Variants in KCNK9 observed in about 807,000 individuals in gnomAD.
The protein encoded by KCNK9 is potassium channel subfamily K member 9.
Under a neutral mutation model 10.8 loss-of-function variants are expected in KCNK9, and 1 was observed. The observed-to-expected ratio is 0.09, with a 90% CI of 0.03 to 0.44. The LOEUF (loss-of-function observed/expected upper bound fraction) is 0.44, where lower values mean the gene tolerates loss of function less well. KCNK9 is among the 20% of genes least tolerant of loss of function. The pLI, the probability that KCNK9 is intolerant of heterozygous loss-of-function variation, is 0.97. For synonymous variants in KCNK9, 231 were observed against 222.7 expected, an observed-to-expected ratio of 1.04 and a Z score of -0.33; for missense variants, 303 against 515.0, an observed-to-expected ratio of 0.59 and a Z score of 3.98.
At chr8:139,661,504 T>G (rs116865942) in intron 1 of KCNK9, among the ~76,000 whole-genome samples, 4,934 of 152,256 alleles carry the variant, frequency 0.032, 198 homozygotes, top group East Asian at 0.14. Context: ...GTCACAGCCC[T>G]GGGAAGCAAG....
intron 1 of KCNK9, among the ~76,000 whole-genome samples, chr8:139,651,902 G>A (rs1815877817): frequency 1.3e-5 from 2 of 152,054 alleles, no homozygotes; most frequent in South Asian, 2.1e-4. Flanking sequence ...GATCTGGAGT[G>A]GGTACCAAAT....
intron 1 of KCNK9, among the ~76,000 whole-genome samples, chr8:139,627,030 G>A (rs1814999021): frequency 6.6e-6 from 1 of 152,186 alleles, no homozygotes; most frequent in Non-Finnish European, 1.5e-5. Context: ...GCAAAGTGAT[G>A]CATGGGTCGC....
intron 1 of KCNK9, among the ~76,000 whole-genome samples, chr8:139,679,985 T>C (rs929252051): frequency 3.3e-5 from 5 of 152,162 alleles, no homozygotes; most frequent in African/African-American, 1.2e-4. Context: ...GAGGTGAGTG[T>C]ACTCTGTGTA....
At chr8:139,677,435 T>A (rs1319671619) in intron 1 of KCNK9, among the ~76,000 whole-genome samples, 1 of 152,082 alleles carries the variant, frequency 6.6e-6, no homozygotes, top group African/African-American at 2.4e-5. Flanking sequence ...CAAAAAGTAT[T>A]CATCACCCAG....
chr8:139,689,931 A>G (rs1389794749), intron 1 of KCNK9, among the ~76,000 whole-genome samples: 3 of 152,108 alleles, frequency 2.0e-5, no homozygotes, highest in Admixed American at 2.0e-4. Flanking sequence ...GTGAGCCACC[A>G]CGCCCGGCCA....
rs1816245646 is a variant in KCNK9 at position 139,664,413 on chromosome 8, C to T, written c.283+38297G>A. Among the ~76,000 whole-genome samples, 2 of 152,046 alleles carry T rather than the reference C, an allele frequency of 1.3e-5. 1 individual carries two copies. The highest frequency in any genetic ancestry group is 4.2e-4 in the South Asian group (2 of 4,816). Reference sequence around the variant, plus strand: ...GCAAAGCCCTCCAGAGCCCGCCTCCCCTCCCCTACACAGCCTCTAGGCCTT... The same window carrying T: ...GCAAAGCCCTCCAGAGCCCGCCTCCTCTCCCCTACACAGCCTCTAGGCCTT... On this transcript the variant is annotated intron_variant, in intron 1 of 1. Coordinates refer to ENST00000520439, the MANE Select transcript of KCNK9 (RefSeq NM_001282534.2).
intron 1 of KCNK9, among the ~76,000 whole-genome samples, chr8:139,623,682 G>T (rs550504320): frequency 6.6e-6 from 1 of 152,200 alleles, no homozygotes; most frequent in South Asian, 2.1e-4. Flanking sequence ...GGCACTACAG[G>T]GTGGTGACCT....
chr8:139,678,227 G>A (rs936042922), intron 1 of KCNK9, among the ~76,000 whole-genome samples: 6 of 152,342 alleles, frequency 3.9e-5, no homozygotes, highest in African/African-American at 1.4e-4. Context: ...CAAGGTGCAG[G>A]CTGCCTTCTC....
intron 1 of KCNK9, among the ~76,000 whole-genome samples, chr8:139,664,926 A>T (rs1184706462): frequency 1.4e-5 from 2 of 144,686 alleles, no homozygotes; most frequent in Non-Finnish European, 1.5e-5. Flanking sequence ...CCCCAGCAAT[A>T]AAAAAAAAAA....
At chr8:139,658,753 G>A (rs766398342) in intron 1 of KCNK9, among the ~76,000 whole-genome samples, 2 of 152,224 alleles carry the variant, frequency 1.3e-5, no homozygotes, top group African/African-American at 2.4e-5. Context: ...ACTTCCCCAC[G>A]GTCACACTGC....
At chr8:139,663,902 T>G (rs1287951676) in intron 1 of KCNK9, among the ~76,000 whole-genome samples, 1 of 152,050 alleles carries the variant, frequency 6.6e-6, no homozygotes, top group Non-Finnish European at 1.5e-5. Flanking sequence ...GAACAAGCTC[T>G]TATACAGGAA....
At chr8:139,659,797 C>T (rs1219428526) in intron 1 of KCNK9, among the ~76,000 whole-genome samples, 7 of 151,068 alleles carry the variant, frequency 4.6e-5, no homozygotes, top group African/African-American at 1.2e-4. Context: ...GCTGGGAATA[C>T]GGGCGTGAGC....
intron 1 of KCNK9, among the ~76,000 whole-genome samples, chr8:139,696,102 C>T (rs538792400): frequency 6.6e-6 from 1 of 152,282 alleles, no homozygotes; most frequent in South Asian, 2.1e-4. Context: ...CCATCCCAAC[C>T]CCCATGCACA....
At chr8:139,622,573 A>G (rs1174019150) in intron 1 of KCNK9, among the ~76,000 whole-genome samples, 1 of 152,178 alleles carries the variant, frequency 6.6e-6, no homozygotes, top group East Asian at 1.9e-4. Flanking sequence ...TTGGCATGTT[A>G]ATAGCTCTCC....
intron 1 of KCNK9, among the ~76,000 whole-genome samples, chr8:139,656,671 T>C (rs1816030770): frequency 6.6e-6 from 1 of 152,150 alleles, no homozygotes; most frequent in African/African-American, 2.4e-5. Context: ...CCCCACACAG[T>C]GCCCTATCTA....
rs369961937 is a variant in KCNK9, at chr8:139,676,468, C to T, written c.283+26242G>A. On this transcript the variant is annotated intron_variant, in intron 1 of 1. Coordinates refer to ENST00000520439, the MANE Select transcript of KCNK9 (RefSeq NM_001282534.2). ...GCACTCATAAATGTTGCCTGATGAA[C>T]ACACCAGGATGTCTCAGAATAGGGC... Among the ~76,000 whole-genome samples, 22 of 152,302 alleles carry T rather than the reference C, an allele frequency of 1.4e-4. No individual in the cohort carries two copies. In the East Asian group the frequency reaches 1.5e-3, roughly 11 times the overall value.
intron 1 of KCNK9, among the ~76,000 whole-genome samples, chr8:139,636,465 C>A (rs376500694): frequency 2.0e-5 from 3 of 152,360 alleles, no homozygotes; most frequent in Admixed American, 1.3e-4. Flanking sequence ...AGATGCAGAA[C>A]CTCTTTTCCC....
At chr8:139,656,684 C>T (rs1244634183) in intron 1 of KCNK9, among the ~76,000 whole-genome samples, 1 of 152,198 alleles carries the variant, frequency 6.6e-6, no homozygotes, top group Non-Finnish European at 1.5e-5. Context: ...CCTATCTATA[C>T]CACAAATGCT....
chr8:139,610,938 C>T (rs533451126), downstream of KCNK9, among the ~76,000 whole-genome samples: 8 of 152,350 alleles, frequency 5.3e-5, no homozygotes, highest in South Asian at 1.2e-3. Context: ...GCTGTCGCAC[C>T]CCTGGGCCTT....
Sources: gnomAD v4.1 joint callset for allele counts (sites outside exome capture counted in the v4.1 genomes callset) on GRCh38, gnomAD v4.1.1 for gene constraint, MANE v1.5 for transcripts, NCBI Gene and HGNC (gene_info 2026-07-23, HGNC 2026-07-21) for gene names.